Variants in MFF observed in about 807,000 individuals in gnomAD.
MFF encodes the protein chromosome 2 open reading frame 33.
A neutral mutation model predicts 36.9 loss-of-function variants in MFF; 12 were observed. That is an observed-to-expected ratio of 0.33 (90% CI 0.21 to 0.53). MFF has a LOEUF of 0.53. MFF is among the 20% of genes least tolerant of loss of function. The probability of loss-of-function intolerance (pLI) is 0.95; values close to 1 mark genes in which losing one functional copy is unlikely to be tolerated. For synonymous variants in MFF, 99 were observed against 126.2 expected (o/e 0.78, Z 1.44); for missense variants, 348 against 366.6 (o/e 0.95, Z 0.42).
chr2:227,345,948 A>G (rs1375737205), intron 5 of MFF, among the ~76,000 whole-genome samples: 1 of 152,160 alleles, frequency 6.6e-6, no homozygotes, highest in Non-Finnish European at 1.5e-5. Flanking sequence ...TAGATCTTTT[A>G]AGTAATCTTT....
intron 7 of MFF, among the ~76,000 whole-genome samples, chr2:227,353,218 A>G (rs1377296299): frequency 6.6e-6 from 1 of 152,200 alleles, no homozygotes; most frequent in Non-Finnish European, 1.5e-5. Context: ...ACATACAAAT[A>G]CATGCAGTTC....
intron 4 of MFF, among the ~76,000 whole-genome samples, chr2:227,339,616 G>A (rs2075274367): frequency 6.6e-6 from 1 of 152,172 alleles, no homozygotes; most frequent in Admixed American, 6.5e-5. Context: ...GAGCAACCTG[G>A]GGAAAGAAAG....
rs2074503841 is a variant in MFF, at chr2:227,330,657, G to C, written c.-9G>C. 1 of 1,613,848 alleles carries C rather than the reference G, an allele frequency of 6.2e-7. No homozygotes were observed. On this transcript the variant is annotated 5_prime_UTR_variant, in exon 3 of 9. Transcript: ENST00000304593. The stretch of plus-strand genomic sequence containing the variant: ...CAGGGCAGCATTTCCTTCTCCCACT[G>C]CTGCTGAGATGGCAGAAATTAGTCG...
intron 5 of MFF, 91 bp downstream of exon 5, chr2:227,340,471 G>A: frequency 1.1e-6 from 1 of 928,482 alleles, no homozygotes. Flanking sequence ...ACTTCATGTA[G>A]TTTTTAAAAT....
At chr2:227,325,692 G>A (rs564571258) in intron 1 of MFF, 3 of 152,250 alleles carry the variant, frequency 2.0e-5, no homozygotes, top group Non-Finnish European at 4.4e-5. Flanking sequence ...CACCTTGTGT[G>A]GTTCGGCGTC....
At chr2:227,351,211 G>A (rs1286959790) in intron 6 of MFF, among the ~76,000 whole-genome samples, 1 of 152,136 alleles carries the variant, frequency 6.6e-6, no homozygotes, top group Non-Finnish European at 1.5e-5. Context: ...TTAAAGACCT[G>A]TCTTAAGCAT....
intron 6 of MFF, 131 bp from the exon 7 acceptor site, chr2:227,352,383 G>C (rs2076042067): frequency 1.5e-6 from 1 of 658,388 alleles, no homozygotes. Context: ...GTAGTTGAGA[G>C]ATATTATATT....
At chr2:227,354,339 T>G (rs2106467255) in intron 7 of MFF, among the ~76,000 whole-genome samples, 1 of 152,364 alleles carries the variant, frequency 6.6e-6, no homozygotes, top group East Asian at 1.9e-4. Context: ...GGGTATGTAC[T>G]TTTTGTAGTG....
chr2:227,330,690 T>C lies in MFF; in HGVS notation c.25T>C (p.Tyr9His), dbSNP rs778389102. The part of the protein sequence containing the change: MAEISRIQ[Y>H]EMEYTEGISQ... ...GATGGCAGAAATTAGTCGAATTCAG[T>C]ACGAAATGGAATATACTGAAGGCAT... The change falls in exon 3 of 9, where the codon TAC becomes CAC. Residue 9 changes from tyrosine to histidine, a missense_variant. Coordinates refer to ENST00000304593, the MANE Select transcript of MFF (RefSeq NM_001277062.2). 3 of 1,614,146 alleles carry C rather than the reference T, an allele frequency of 1.9e-6. No homozygotes were observed. Among genetic ancestry groups the C allele is most frequent in the Non-Finnish European group, 2.5e-6 (3 of 1,179,988 alleles).
rs377285343 is a variant in MFF, at chr2:227,347,757, A to G, written c.599+373A>G. ...CGTTAGTCTTTTGATTTAATCATTT[A>G]TGCTGCTGATATGATTGGATTAATA... On this transcript the variant is annotated intron_variant, in intron 6 of 8. Transcript: ENST00000304593. Among the ~76,000 whole-genome samples, 108 of 152,334 alleles carry G rather than the reference A, an allele frequency of 7.1e-4. 1 individual carries two copies. Among genetic ancestry groups the G allele is most frequent in the African/African-American group, 2.5e-3 (102 of 41,580 alleles).
intron 5 of MFF, chr2:227,342,684 C>G (rs1035034302): frequency 1.5e-6 from 2 of 1,353,804 alleles, no homozygotes; most frequent in Admixed American, 1.8e-5. Context: ...AAAATCAGAT[C>G]TAGCTTTTTC....
At chr2:227,346,003 C>T (rs971836683) in intron 5 of MFF, among the ~76,000 whole-genome samples, 1 of 152,114 alleles carries the variant, frequency 6.6e-6, no homozygotes, top group Non-Finnish European at 1.5e-5. Context: ...CTTTGGATCA[C>T]CAAGCCATTC....
chr2:227,333,395 G>A (rs1026495504), intron 4 of MFF, among the ~76,000 whole-genome samples: 3 of 152,202 alleles, frequency 2.0e-5, no homozygotes, highest in South Asian at 2.1e-4. Flanking sequence ...TATGCTCACA[G>A]TTAGTTTGGA....
At chr2:227,348,582 G>A (rs1051720297) in intron 6 of MFF, among the ~76,000 whole-genome samples, 5 of 152,112 alleles carry the variant, frequency 3.3e-5, no homozygotes, top group African/African-American at 1.2e-4. Context: ...GCTTTTTGAA[G>A]CTTCAAAGCC....
chr2:227,329,937 CATGTAA>C, intron 2 of MFF: 1 of 489,304 alleles, frequency 2.0e-6, no homozygotes, highest in South Asian at 3.4e-5. Context: ...AAAAAAAACA[CATGTAA>C]ATATGATATT....
chr2:227,351,748 C>T (rs1034058188), intron 6 of MFF: 6 of 152,160 alleles, frequency 3.9e-5, no homozygotes, highest in African/African-American at 1.4e-4. Flanking sequence ...TGTCCTCTAG[C>T]GCCAAAGTAT....
chr2:227,343,991 T>C (rs2075567161), intron 5 of MFF, among the ~76,000 whole-genome samples: 1 of 152,180 alleles, frequency 6.6e-6, no homozygotes, highest in Non-Finnish European at 1.5e-5. Context: ...TTTCATCATA[T>C]TGGCCAGGCT....
intron 6 of MFF, 122 bp downstream of exon 6, chr2:227,347,506 T>C (rs2075776757): frequency 2.7e-6 from 2 of 739,076 alleles, no homozygotes; most frequent in East Asian, 5.0e-5. Flanking sequence ...ATGCAATGAT[T>C]TGAAACAGCT....
chr2:227,349,436 A>G (rs1222904904), intron 6 of MFF, among the ~76,000 whole-genome samples: 1 of 152,046 alleles, frequency 6.6e-6, no homozygotes, highest in African/African-American at 2.4e-5. Flanking sequence ...TAACTCTAAA[A>G]TCCCTTTTCT....
Sources: gnomAD v4.1 joint callset for allele counts (sites outside exome capture counted in the v4.1 genomes callset) on GRCh38, gnomAD v4.1.1 for gene constraint, MANE v1.5 for transcripts, NCBI Gene and HGNC (gene_info 2026-07-23, HGNC 2026-07-21) for gene names.